The following F8 variants were observed in gnomAD, a reference collection of about 807,000 sequenced individuals.
F8 encodes coagulation factor VIII.
Under a neutral mutation model 140.6 loss-of-function variants are expected in F8, and 12 were observed. The observed-to-expected ratio is 0.09, with a 90% CI of 0.05 to 0.14. The LOEUF (loss-of-function observed/expected upper bound fraction) is 0.14. F8 is among the 10% of genes least tolerant of loss of function. The probability of loss-of-function intolerance (pLI) is 1.00; values close to 1 mark genes in which losing one functional copy is unlikely to be tolerated. For missense variants in F8, 1,354 were observed against 1,720.7 expected, an observed-to-expected ratio of 0.79 and a Z score of 3.77; for synonymous variants, 585 against 614.6, an observed-to-expected ratio of 0.95 and a Z score of 0.71.
rs139112865 is a variant in F8 at position 154,998,542 on chromosome X, C to T, written c.265+937G>A. ...ACTTATGAGTTATTTGGAGACCTCT[C>T]CCTGCCAACAAGGAGACACCCCACT... is the stretch of plus-strand genomic sequence containing the variant. On this transcript the variant is annotated intron_variant, in intron 2 of 25. Coordinates refer to ENST00000360256, the MANE Select transcript of F8 (RefSeq NM_000132.4). Among the ~76,000 whole-genome samples the T allele has an allele frequency of 3.5e-3, 392 of 112,746 alleles. 1 individual carries two copies. The highest frequency in any genetic ancestry group is 0.01 in the African/African-American group (326 of 31,082).
intron 25 of F8, among the ~76,000 whole-genome samples, chrX:154,850,120 TA>T (rs1449558219): frequency 3.9e-5 from 4 of 103,706 alleles, no homozygotes; most frequent in Admixed American, 1.1e-4. Flanking sequence ...TGTGTGTGTG[TA>T]TTTTTTTTTT....
At chrX:154,985,799 G>A (rs905361336) in intron 5 of F8, among the ~76,000 whole-genome samples, 6 of 112,457 alleles carry the variant, frequency 5.3e-5, no homozygotes, top group East Asian at 2.8e-4. Flanking sequence ...AGCTGGAATC[G>A]TCAGAGAAGC....
chrX:154,982,196 T>C (rs782234792), intron 6 of F8, among the ~76,000 whole-genome samples: 6 of 70,689 alleles, frequency 8.5e-5, no homozygotes, highest in Admixed American at 1.6e-4. Context: ...AAAATATATA[T>C]ATATACTTTG....
At chrX:154,936,924 C>T (rs187544588) in intron 13 of F8, among the ~76,000 whole-genome samples, 185 of 110,778 alleles carry the variant, frequency 1.7e-3, no homozygotes, top group African/African-American at 5.7e-3. Flanking sequence ...GAGAGAGAGC[C>T]AGAAAATCGC....
chrX:154,906,991 C>T (rs1023792482), intron 14 of F8, among the ~76,000 whole-genome samples: 1 of 111,970 alleles, frequency 8.9e-6, no homozygotes, highest in Non-Finnish European at 1.9e-5. Context: ...GCATAAAACA[C>T]AAATGCCTTT....
At chrX:154,936,611 A>C (rs1385714906) in intron 13 of F8, among the ~76,000 whole-genome samples, 1 of 111,975 alleles carries the variant, frequency 8.9e-6, no homozygotes, top group Non-Finnish European at 1.9e-5. Flanking sequence ...ACAAATACAA[A>C]AATCAAAATA....
intron 14 of F8, among the ~76,000 whole-genome samples, chrX:154,915,210 C>T (rs1365494947): frequency 1.3e-4 from 15 of 111,509 alleles, no homozygotes; most frequent in African/African-American, 4.6e-4. Flanking sequence ...GCCCCCATGA[C>T]CCAATCACTT....
chrX:155,017,445 A>G (rs1220708369), intron 1 of F8, among the ~76,000 whole-genome samples: 2 of 112,531 alleles, frequency 1.8e-5, no homozygotes, highest in Non-Finnish European at 3.8e-5. Context: ...TTCAATGTTG[A>G]CCCAAATACT....
intron 22 of F8, among the ~76,000 whole-genome samples, 179 bp downstream of exon 22, chrX:154,895,898 A>C (rs1189651522): frequency 1.8e-5 from 2 of 112,402 alleles, no homozygotes; most frequent in Non-Finnish European, 3.8e-5. Context: ...TCTATCATCT[A>C]TGAGCCTTGA....
chrX:154,931,737 T>C, intron 13 of F8, 61 bp from the exon 14 acceptor site: 3 of 1,005,662 alleles, frequency 3.0e-6, no homozygotes, highest in Non-Finnish European at 4.2e-6. Flanking sequence ...AACGTTCTGT[T>C]AGAGGTTCTC....
chrX:154,867,925 A>G (rs2072744764), intron 22 of F8, among the ~76,000 whole-genome samples: 1 of 110,980 alleles, frequency 9.0e-6, no homozygotes, highest in Admixed American at 9.6e-5. Context: ...CATTATCAGA[A>G]TGAAAGATGA....
chrX:154,920,209 C>A, intron 14 of F8: 1 of 111,214 alleles, frequency 9.0e-6, no homozygotes, highest in East Asian at 2.8e-4. Flanking sequence ...TAATTGCTTT[C>A]TTTCTTTTTT....
At chrX:154,991,774 A>C (rs1395758942) in intron 4 of F8, among the ~76,000 whole-genome samples, 2 of 111,765 alleles carry the variant, frequency 1.8e-5, no homozygotes, top group African/African-American at 3.3e-5. Flanking sequence ...TATAAACTAC[A>C]AACCTTTCTC....
Position 154,853,237 on chromosome X carries a change from T to C in F8, c.6900+7195A>G, listed in dbSNP as rs782406650. ...TCTGTTTTCCTTTTCATATTTGTAA[T>C]TGTTAGTATATAAAAATACAATTGA... On this transcript the variant is annotated intron_variant, in intron 25 of 25. Transcript: ENST00000360256. Among the ~76,000 whole-genome samples, 13 of 111,555 alleles carry C rather than the reference T, an allele frequency of 1.2e-4. No individual in the cohort carries two copies. The South Asian group carries it at 4.5e-3, about 38-fold the overall frequency.
intron 10 of F8, among the ~76,000 whole-genome samples, chrX:154,960,044 A>C (rs913147826): frequency 2.7e-5 from 3 of 111,894 alleles, no homozygotes; most frequent in African/African-American, 9.7e-5. Context: ...GGAAAGGAAA[A>C]GTGAGGGGTA....
intron 19 of F8, 56 bp downstream of exon 19, chrX:154,901,995 A>AG: frequency 2.7e-6 from 2 of 752,951 alleles, no homozygotes; most frequent in Non-Finnish European, 4.2e-6. Flanking sequence ...AAAGGAAGAA[A>AG]GCTGTAAAGA....
chrX:154,942,237 T>C (rs2073271077), intron 13 of F8, among the ~76,000 whole-genome samples: 2 of 109,701 alleles, frequency 1.8e-5, no homozygotes, highest in African/African-American at 6.7e-5. Context: ...AGCTGGTTTT[T>C]TGAAAGGATC....
chrX:154,837,297 C>G lies in F8; in HGVS notation c.*300G>C. ...GAAGTGGTGACTCTGAGAGGCCTAA[C>G]TTTTCAGGGAAGAATGCTTTCATGC... On this transcript the variant is annotated 3_prime_UTR_variant, in exon 26 of 26. Coordinates refer to ENST00000360256, the MANE Select transcript of F8 (RefSeq NM_000132.4). 1 of 331,742 alleles carries G rather than the reference C, an allele frequency of 3.0e-6. No individual in the cohort carries two copies. The allele number at this position is 331,742 out of a possible 1,213,427, so 27.3% of individuals were successfully genotyped here.
chrX:154,848,749 C>A (rs1168731210), intron 25 of F8, among the ~76,000 whole-genome samples: 1 of 111,302 alleles, frequency 9.0e-6, no homozygotes, highest in African/African-American at 3.3e-5. Context: ...TGAGGTGATA[C>A]CTTACCCTGC....
Sources: allele counts gnomAD v4.1 joint callset (sites outside exome capture counted in the v4.1 genomes callset), GRCh38; gene constraint gnomAD v4.1.1; transcripts MANE v1.5; gene names NCBI Gene and HGNC (gene_info 2026-07-23, HGNC 2026-07-21).